ARB2A: variants seen among roughly 807,000 people sequenced by gnomAD.
ARB2A encodes cotranscriptional regulator ARB2A.
At chr5:93,867,504 G>A in the ARB2A span, among the ~76,000 whole-genome samples, 199 of 152,072 alleles carry the variant, frequency 1.3e-3, 5 homozygotes, top group South Asian at 0.03. Context: ...TACAACCTCC[G>A]CCTCCCAGGT....
the ARB2A span, among the ~76,000 whole-genome samples, chr5:93,841,909 C>A: frequency 6.6e-6 from 1 of 152,140 alleles, no homozygotes; most frequent in Non-Finnish European, 1.5e-5. Flanking sequence ...AGTCTGTTTT[C>A]TGAAAGTTCA....
At chr5:93,705,930 C>T in the ARB2A span, among the ~76,000 whole-genome samples, 1 of 152,030 alleles carries the variant, frequency 6.6e-6, no homozygotes, top group Non-Finnish European at 1.5e-5. Context: ...GCCCTTTTCC[C>T]ATAAACTGGC....
chr5:93,729,166 G>C, the ARB2A span, among the ~76,000 whole-genome samples: 41 of 151,884 alleles, frequency 2.7e-4, no homozygotes, highest in Non-Finnish European at 5.3e-4. Context: ...CCTTTACGTT[G>C]TTCCCCGTTC....
chr5:93,902,489 T>C, the ARB2A span, among the ~76,000 whole-genome samples: 1 of 152,162 alleles, frequency 6.6e-6, no homozygotes, highest in African/African-American at 2.4e-5. Context: ...AACGTTTCCA[T>C]GGTTACATGC....
chr5:93,996,262 G>T, the ARB2A span, among the ~76,000 whole-genome samples: 1 of 151,626 alleles, frequency 6.6e-6, no homozygotes, highest in Admixed American at 6.6e-5. Context: ...TATACACTAA[G>T]GCATTAAACA....
At chr5:93,911,655 T>G in the ARB2A span, among the ~76,000 whole-genome samples, 1 of 115,812 alleles carries the variant, frequency 8.6e-6, no homozygotes, top group African/African-American at 3.0e-5. Context: ...CACACACACA[T>G]ACACACAAAC....
At chr5:93,932,594 T>C in the ARB2A span, among the ~76,000 whole-genome samples, 1 of 152,240 alleles carries the variant, frequency 6.6e-6, no homozygotes, top group African/African-American at 2.4e-5. Context: ...TTTATACTAA[T>C]AAAGTTGAAT....
At chr5:93,815,032 G>A in the ARB2A span, among the ~76,000 whole-genome samples, 4 of 151,694 alleles carry the variant, frequency 2.6e-5, no homozygotes, top group Middle Eastern at 3.4e-3. Flanking sequence ...TTGTACAAAC[G>A]AGGTCTTCCT....
chr5:93,735,155 G>T, the ARB2A span: 1 of 152,030 alleles, frequency 6.6e-6, no homozygotes, highest in Non-Finnish European at 1.5e-5. Context: ...CAACTCTAAG[G>T]GTAGTTATTC....
chr5:94,054,616 A>G, the ARB2A span, among the ~76,000 whole-genome samples: 1 of 151,992 alleles, frequency 6.6e-6, no homozygotes, highest in Non-Finnish European at 1.5e-5. Flanking sequence ...TCTCCACTAT[A>G]ACGTTACTGT....
chr5:93,713,037 C>T, the ARB2A span, among the ~76,000 whole-genome samples: 1 of 152,048 alleles, frequency 6.6e-6, no homozygotes, highest in Non-Finnish European at 1.5e-5. Flanking sequence ...CTATCTGTCA[C>T]CATATACAAA....
the ARB2A span, among the ~76,000 whole-genome samples, chr5:93,820,193 G>T: frequency 6.6e-6 from 1 of 152,032 alleles, no homozygotes; most frequent in South Asian, 2.1e-4. Context: ...CTGTTGTTTT[G>T]GCTAAGCAAA....
the ARB2A span, chr5:93,824,258 A>G: frequency 6.3e-7 from 1 of 1,581,220 alleles, no homozygotes; most frequent in Non-Finnish European, 8.6e-7. Context: ...TCTTCAGGAG[A>G]ACCATTTTCC....
the ARB2A span, among the ~76,000 whole-genome samples, chr5:93,912,523 T>A: frequency 2.0e-5 from 3 of 151,772 alleles, no homozygotes; most frequent in East Asian, 1.9e-4. Flanking sequence ...AAAGCAAATA[T>A]AATAACACTT....
chr5:93,635,206 T>C, the ARB2A span, among the ~76,000 whole-genome samples: 1 of 152,226 alleles, frequency 6.6e-6, no homozygotes, highest in Non-Finnish European at 1.5e-5. Flanking sequence ...TCTCAACACA[T>C]TCAGCAAGGA....
chr5:93,958,355 T>G, the ARB2A span, among the ~76,000 whole-genome samples: 2 of 152,090 alleles, frequency 1.3e-5, no homozygotes, highest in African/African-American at 4.8e-5. Flanking sequence ...GCAGATCTCC[T>G]TTAGTTTCTA....
the ARB2A span, among the ~76,000 whole-genome samples, chr5:93,899,508 T>G: frequency 1.3e-5 from 2 of 152,174 alleles, no homozygotes; most frequent in African/African-American, 4.8e-5. Context: ...AATTTAAAAG[T>G]GGCTATTATA....
At chr5:93,858,254 T>C in the ARB2A span, among the ~76,000 whole-genome samples, 9 of 152,198 alleles carry the variant, frequency 5.9e-5, no homozygotes, top group South Asian at 2.1e-4. Context: ...ACATAGCCAC[T>C]TCCTACCTAG....
At chr5:93,976,713 TA>T in the ARB2A span, among the ~76,000 whole-genome samples, 12 of 152,160 alleles carry the variant, frequency 7.9e-5, no homozygotes, top group African/African-American at 2.9e-4. Context: ...TGAGGCCAAT[TA>T]AAACCCTTTC....
Sources: allele counts gnomAD v4.1 joint callset (sites outside exome capture counted in the v4.1 genomes callset), GRCh38; gene constraint gnomAD v4.1.1; transcripts MANE v1.5; gene names NCBI Gene and HGNC (gene_info 2026-07-23, HGNC 2026-07-21).